The following GREB1L variants were observed in gnomAD, a reference collection of about 807,000 sequenced individuals.
GREB1L encodes GREB1-like protein.
A neutral mutation model predicts 200.8 loss-of-function variants in GREB1L; 17 were observed. The ratio of observed to expected loss-of-function variants is 0.08; its 90% CI spans 0.06 to 0.13. The LOEUF (loss-of-function observed/expected upper bound fraction) is 0.13, where lower values mean the gene tolerates loss of function less well. Among genes scored for constraint, GREB1L ranks in the 10% least tolerant of loss-of-function variants. GREB1L has a pLI of 1.00. For synonymous variants in GREB1L, 789 were observed against 893.0 expected (o/e 0.88, Z 2.08); for missense variants, 1,657 against 2,367.7 (o/e 0.70, Z 6.23).
At chr18:21,358,345 A>G (rs1241436594) in intron 1 of GREB1L, among the ~76,000 whole-genome samples, 5 of 152,140 alleles carry the variant, frequency 3.3e-5, no homozygotes, top group African/African-American at 1.2e-4. Flanking sequence ...TTGCTCTATC[A>G]CCCAGGCTAG....
chr18:21,261,725 C>T (rs778829720), intron 1 of GREB1L, among the ~76,000 whole-genome samples: 2 of 152,076 alleles, frequency 1.3e-5, no homozygotes, highest in African/African-American at 2.4e-5. Flanking sequence ...ATAAAATTTA[C>T]TAAAGGAATT....
Position 21,496,570 on chromosome 18 carries a change from C to T in GREB1L, c.3263C>T (p.Pro1088Leu). The change falls in exon 21 of 33, where the codon CCC (proline) becomes CTC (leucine). Residue 1088 changes from proline (P) to leucine (L), a missense_variant. Physicochemically the swap from Pro to Leu is moderately conservative, Grantham distance 98. Around this residue, in one of 9 missense-constraint regions of GREB1L, gnomAD observed 512 missense variants for 668.3 expected, o/e 0.77. Transcript: ENST00000424526. ...CYVSKEVIRG[P>L]TVALDLSGKE... is the part of the protein sequence containing the mutation. Reference sequence around the variant, plus strand: ...GTCTCAAAAGAGGTCATCCGGGGACCCACTGTTGCCCTGGACCTCAGCGGG... The same window carrying T: ...GTCTCAAAAGAGGTCATCCGGGGACTCACTGTTGCCCTGGACCTCAGCGGG... 6.4e-7 allele frequency: 1 copy of T among 1,551,680 alleles called. No homozygotes were observed.
At chr18:21,343,205 T>C (rs1271632499) in intron 1 of GREB1L, among the ~76,000 whole-genome samples, 1 of 152,200 alleles carries the variant, frequency 6.6e-6, no homozygotes, top group Admixed American at 6.5e-5. Flanking sequence ...TCTTCTAGCT[T>C]TCTTTTCTAC....
intron 16 of GREB1L, among the ~76,000 whole-genome samples, chr18:21,473,464 G>A (rs1356827233): frequency 6.6e-6 from 1 of 151,544 alleles, no homozygotes; most frequent in Admixed American, 6.6e-5. Context: ...CAGTACTTGG[G>A]AGGCTGAGGC....
chr18:21,486,353 CAA>C (rs770296447), intron 18 of GREB1L, among the ~76,000 whole-genome samples: 29 of 89,732 alleles, frequency 3.2e-4, no homozygotes, highest in South Asian at 7.7e-4. Flanking sequence ...GACTCCGTCT[CAA>C]AAAAAAAAAA....
At position 21,288,735 on chromosome 18, in the gene GREB1L, CT is replaced by C. The variant is rs557869552; in HGVS notation, c.-120+46355del. Among the ~76,000 whole-genome samples, 435 of 143,352 alleles carry C rather than the reference CT, an allele frequency of 3.0e-3. 1 individual carries two copies. Among genetic ancestry groups the C allele is most frequent in the South Asian group, 7.1e-3 (32 of 4,490 alleles). 94.0% of individuals were successfully genotyped at this position (143,352 alleles called of 152,430 possible). On this transcript the variant is annotated intron_variant, in intron 1 of 32. Coordinates refer to ENST00000424526, the MANE Select transcript of GREB1L (RefSeq NM_001142966.3). ...GCATAGAACTTGTAAGGCTACCATCCTTTTTTTTTTTTTATTTTTGAGACAG... is the reference window on the plus strand; with the variant it reads ...GCATAGAACTTGTAAGGCTACCATCCTTTTTTTTTTTTATTTTTGAGACAG...
At chr18:21,312,418 G>T (rs975523258) in intron 1 of GREB1L, among the ~76,000 whole-genome samples, 1 of 151,962 alleles carries the variant, frequency 6.6e-6, no homozygotes, top group South Asian at 2.1e-4. Context: ...TTTCCACAGT[G>T]GTCGAAGTAA....
chr18:21,438,045 C>G (rs1471905013), intron 7 of GREB1L, among the ~76,000 whole-genome samples: 1 of 152,026 alleles, frequency 6.6e-6, no homozygotes, highest in Admixed American at 6.6e-5. Flanking sequence ...CTTTGGGAGG[C>G]TGAGGAGGGT....
chr18:21,470,661 G>A (rs760195552), intron 15 of GREB1L, among the ~76,000 whole-genome samples: 1 of 151,760 alleles, frequency 6.6e-6, no homozygotes, highest in Admixed American at 6.6e-5. Flanking sequence ...TGATAGTTTT[G>A]TTCTTACTTG....
At chr18:21,344,428 A>AACT (rs2039314959) in intron 1 of GREB1L, among the ~76,000 whole-genome samples, 1 of 151,962 alleles carries the variant, frequency 6.6e-6, no homozygotes, top group Non-Finnish European at 1.5e-5. Flanking sequence ...CAACAACAAC[A>AACT]ACAACAACTG....
intron 4 of GREB1L, among the ~76,000 whole-genome samples, chr18:21,391,300 C>T (rs2040793685): frequency 6.6e-6 from 1 of 152,226 alleles, no homozygotes; most frequent in Non-Finnish European, 1.5e-5. Flanking sequence ...CATTGTGTTA[C>T]AACTGCCTAT....
At chr18:21,442,750 C>A (rs1402402641) in intron 10 of GREB1L, among the ~76,000 whole-genome samples, 3 of 149,038 alleles carry the variant, frequency 2.0e-5, no homozygotes, top group Non-Finnish European at 3.0e-5. Context: ...CTAGAAGAAT[C>A]TTGCTATTAA....
At chr18:21,299,418 A>C (rs1455445529) in intron 1 of GREB1L, among the ~76,000 whole-genome samples, 2 of 152,150 alleles carry the variant, frequency 1.3e-5, no homozygotes, top group Non-Finnish European at 2.9e-5. Context: ...GTTTTTTAAA[A>C]ATTATAAATA....
At chr18:21,388,212 G>A (rs2040624054) in intron 4 of GREB1L, among the ~76,000 whole-genome samples, 1 of 152,022 alleles carries the variant, frequency 6.6e-6, no homozygotes, top group Admixed American at 6.5e-5. Flanking sequence ...TGTGTGGCTT[G>A]TATTGGCAAA....
intron 17 of GREB1L, among the ~76,000 whole-genome samples, chr18:21,480,081 T>A (rs1313802842): frequency 6.6e-6 from 1 of 152,180 alleles, no homozygotes; most frequent in Non-Finnish European, 1.5e-5. Flanking sequence ...CTAGGCGCGG[T>A]GGCTCACGCC....
chr18:21,454,758 C>G (rs539228578), intron 15 of GREB1L, 195 bp downstream of exon 15: 7 of 600,766 alleles, frequency 1.2e-5, no homozygotes, highest in African/African-American at 1.9e-5. Flanking sequence ...CCCTCAAGGT[C>G]AAGGGTAAAT....
intron 1 of GREB1L, among the ~76,000 whole-genome samples, chr18:21,254,658 C>T (rs2037772947): frequency 6.6e-6 from 1 of 152,130 alleles, no homozygotes; most frequent in Non-Finnish European, 1.5e-5. Flanking sequence ...AAGGGCACTG[C>T]AATTCTTGGG....
rs1446176305 is a variant in GREB1L, at chr18:21,273,713, A to G, written c.-120+31320A>G. On this transcript the variant is annotated intron_variant, in intron 1 of 32. Coordinates refer to ENST00000424526, the MANE Select transcript of GREB1L (RefSeq NM_001142966.3). ...AAGAGGAAGATTGAGACAAAGCACA[A>G]TGGAGAGTAGGGGAGAGAGCACTTC... 8.5e-5 allele frequency among the ~76,000 whole-genome samples: 13 copies of G among 152,186 alleles called. No homozygotes were observed. The East Asian group carries it at 1.2e-3, about 14-fold the overall frequency.
intron 1 of GREB1L, among the ~76,000 whole-genome samples, chr18:21,319,682 G>T (rs1489715011): frequency 6.6e-6 from 1 of 152,236 alleles, no homozygotes; most frequent in African/African-American, 2.4e-5. Context: ...GCATGAGCAG[G>T]CACTGCCAAA....
Sources: allele counts gnomAD v4.1 joint callset (sites outside exome capture counted in the v4.1 genomes callset), GRCh38; gene constraint gnomAD v4.1.1; regional missense constraint gnomAD v4.1.1; transcripts MANE v1.5; gene names NCBI Gene and HGNC (gene_info 2026-07-23, HGNC 2026-07-21).